The following CFAP58 variants were observed in gnomAD, a reference collection of about 807,000 sequenced individuals.
The protein encoded by CFAP58 is cilia- and flagella-associated protein 58.
In CFAP58, 88 loss-of-function variants were observed where a neutral mutation model predicts 119.5. That is an observed-to-expected ratio of 0.74 (90% CI 0.62 to 0.88). The LOEUF (loss-of-function observed/expected upper bound fraction) is 0.88. CFAP58 is among the 40% of genes least tolerant of loss of function. The pLI, the probability that CFAP58 is intolerant of heterozygous loss-of-function variation, is 0.00. For missense variants in CFAP58, 990 were observed against 1,021.2 expected (o/e 0.97, Z 0.42); for synonymous variants, 365 against 366.3 (o/e 1.00, Z 0.04).
At position 104,366,290 on chromosome 10, in the gene CFAP58, G is replaced by A. The variant is rs575361035; in HGVS notation, c.792+282G>A. ...ATAGACAAGTGTATATGTCACAAGT[G>A]GACAGCTTGATGAATTTTCACCACT... On this transcript the variant is annotated intron_variant, in intron 5 of 17. Transcript: ENST00000369704. Among the ~76,000 whole-genome samples the A allele has an allele frequency of 6.4e-4, 97 of 152,074 alleles. 1 individual carries two copies. Among genetic ancestry groups the A allele is most frequent in the African/African-American group, 2.3e-3 (95 of 41,472 alleles).
At chr10:104,421,545 G>A (rs1459764267) in intron 15 of CFAP58, among the ~76,000 whole-genome samples, 2 of 152,114 alleles carry the variant, frequency 1.3e-5, no homozygotes, top group Non-Finnish European at 2.9e-5. Flanking sequence ...TGCTCTTTCT[G>A]GTCATCTAAG....
upstream of CFAP58, among the ~76,000 whole-genome samples, chr10:104,352,171 G>A (rs1335129244): frequency 2.0e-5 from 3 of 152,172 alleles, no homozygotes; most frequent in Non-Finnish European, 4.4e-5. Flanking sequence ...ACTTAGAATA[G>A]TATCTGGTAT....
intron 7 of CFAP58, among the ~76,000 whole-genome samples, chr10:104,373,850 T>C (rs139744158): frequency 2.7e-3 from 407 of 152,244 alleles, no homozygotes; most frequent in Admixed American, 4.2e-3. Flanking sequence ...TCAAATTGTA[T>C]AGTGATGATG....
Position 104,447,965 on chromosome 10 carries a change from A to C in CFAP58, c.2376+148A>C, listed in dbSNP as rs1263726320. 3 of 982,064 alleles carry C rather than the reference A, an allele frequency of 3.1e-6. No homozygotes were observed. The African/African-American group carries it at 5.0e-5, about 16-fold the overall frequency. 60.8% of individuals were successfully genotyped at this position (982,064 alleles called of 1,614,324 possible). On this transcript the variant is annotated intron_variant, in intron 16 of 17. Coordinates refer to ENST00000369704, the MANE Select transcript of CFAP58 (RefSeq NM_001008723.2). ...AGCTCCCTTAGAGCTCTAGTCTAGG[A>C]TGAGCCAGCAGACCTCAGAGCTATC...
rs1048911490 is a variant in CFAP58 at position 104,358,418 on chromosome 10, A to T, written c.87A>T (p.Glu29Asp). 1 of 1,613,970 alleles carries T rather than the reference A, an allele frequency of 6.2e-7. No homozygotes were observed. Among genetic ancestry groups the T allele is most frequent in the Non-Finnish European group, 8.5e-7 (1 of 1,180,018 alleles). The change falls in exon 2 of 18, where the codon GAA (glutamate) becomes GAT (aspartate). Residue 29 changes from glutamate (E) to aspartate (D), a missense_variant. Transcript: ENST00000369704. ...GAGATTTTCAGGGAGTTCTCCATGA[A>T]CTTTCTGGAGACAAAAGTTTGGAAA... ...MERDFQGVLH[E>D]LSGDKSLEKF...
At chr10:104,414,063 C>A (rs1259583287) in intron 15 of CFAP58, among the ~76,000 whole-genome samples, 1 of 152,078 alleles carries the variant, frequency 6.6e-6, no homozygotes, top group African/African-American at 2.4e-5. Context: ...TAGTCAGAGG[C>A]CAAAGGGAGT....
At chr10:104,392,094 C>A in intron 9 of CFAP58, 139 bp from the exon 10 acceptor site, 2 of 683,552 alleles carry the variant, frequency 2.9e-6, no homozygotes, top group Admixed American at 2.8e-5. Context: ...TGTTGTACTG[C>A]AGTGATTATA....
At chr10:104,392,906 G>C (rs1268287417) in intron 10 of CFAP58, among the ~76,000 whole-genome samples, 1 of 152,116 alleles carries the variant, frequency 6.6e-6, no homozygotes, top group Non-Finnish European at 1.5e-5. Context: ...CTCCCAAAGT[G>C]CTGGGATTAC....
intron 6 of CFAP58, among the ~76,000 whole-genome samples, chr10:104,369,244 A>G (rs1589911264): frequency 6.6e-6 from 1 of 152,208 alleles, no homozygotes; most frequent in African/African-American, 2.4e-5. Context: ...AGAATAATAC[A>G]TAGATTTGGG....
intron 11 of CFAP58, 31 bp from the exon 12 acceptor site, chr10:104,399,329 A>G: frequency 6.2e-7 from 1 of 1,610,828 alleles, no homozygotes; most frequent in Non-Finnish European, 8.5e-7. Context: ...TAACGAATTG[A>G]AATTTGCCTG....
In CFAP58 at chr10:104,450,191, G is replaced by A. The variant is rs773647015; in HGVS notation, c.2497G>A (p.Glu833Lys). 1.2e-6 allele frequency: 2 copies of A among 1,612,518 alleles called. No homozygotes were observed. Among genetic ancestry groups the A allele is most frequent in the Non-Finnish European group, 1.7e-6 (2 of 1,179,662 alleles). ...GAAATACCTCGCTCAGAAACGTAAA[G>A]AACAACTTCAAAAGTAAGAATTAGT... is the stretch of plus-strand genomic sequence containing the variant. ...KKKYLAQKRK[E>K]QLQKNKDTAP... The change falls in exon 17 of 18, where the codon GAA (glutamate) becomes AAA (lysine). Residue 833 changes from glutamate (E) to lysine (K), a missense_variant. Physicochemically the swap from Glu to Lys is moderately conservative, Grantham distance 56 (BLOSUM62 1). Coordinates refer to ENST00000369704, the MANE Select transcript of CFAP58 (RefSeq NM_001008723.2).
chr10:104,406,643 T>C, intron 14 of CFAP58, 46 bp from the exon 15 acceptor site: 5 of 1,502,598 alleles, frequency 3.3e-6, no homozygotes, highest in South Asian at 1.1e-5. Context: ...CTCAGTGCTT[T>C]GAAGCTGATG....
rs985803394 is a variant in CFAP58, at chr10:104,360,144, C to A, written c.291+1522C>A. On this transcript the variant is annotated intron_variant, in intron 2 of 17. Coordinates refer to ENST00000369704, the MANE Select transcript of CFAP58 (RefSeq NM_001008723.2). ...TCAATAAACAAGTGGAATATTTTAA[C>A]CTAAAGCTTATAGGTTCTTATCTGT... Among the ~76,000 whole-genome samples, 7 of 152,144 alleles carry A rather than the reference C, an allele frequency of 4.6e-5. No individual in the cohort carries two copies. The South Asian group carries it at 6.2e-4, about 13-fold the overall frequency.
At chr10:104,358,158 T>C (rs2014619376) in intron 1 of CFAP58, among the ~76,000 whole-genome samples, 183 bp from the exon 2 acceptor site, 2 of 142,014 alleles carry the variant, frequency 1.4e-5, no homozygotes, top group African/African-American at 5.8e-5. Flanking sequence ...CTTATATATG[T>C]ACATAAGCAT....
intron 15 of CFAP58, among the ~76,000 whole-genome samples, chr10:104,412,615 GA>G (rs1211526543): frequency 6.6e-6 from 1 of 152,118 alleles, no homozygotes; most frequent in African/African-American, 2.4e-5. Flanking sequence ...TTGCAATTAG[GA>G]AGACTTTGGG....
intron 15 of CFAP58, among the ~76,000 whole-genome samples, chr10:104,424,839 TC>T (rs2012717331): frequency 1.3e-5 from 2 of 152,190 alleles, no homozygotes; most frequent in South Asian, 4.1e-4. Flanking sequence ...AGAACTGGCT[TC>T]CTCAAGGACA....
rs752056527 is a variant in CFAP58 at position 104,358,542 on chromosome 10, A to G, written c.211A>G (p.Ile71Val). The G allele has an allele frequency of 6.2e-7, 1 of 1,614,086 alleles. No homozygotes were observed. The highest frequency in any genetic ancestry group is 1.7e-5 in the Admixed American group (1 of 60,016). ...MAKCRELNAEIVVNSAKVATA... is the reference protein window; with the variant it reads ...MAKCRELNAEVVVNSAKVATA... ...CAAATGCAGAGAGCTAAATGCAGAG[A>G]TTGTAGTGAATTCTGCGAAGGTCGC... The change falls in exon 2 of 18, where the codon ATT becomes GTT. Residue 71 changes from isoleucine to valine, a missense_variant. Transcript: ENST00000369704.
intron 15 of CFAP58, among the ~76,000 whole-genome samples, chr10:104,409,456 A>T (rs2012423520): frequency 6.6e-6 from 1 of 152,162 alleles, no homozygotes; most frequent in South Asian, 2.1e-4. Context: ...AAAAACATAC[A>T]TACTCTCTAA....
At chr10:104,340,531 A>G in the CFAP58 span, among the ~76,000 whole-genome samples, 2 of 152,166 alleles carry the variant, frequency 1.3e-5, no homozygotes, top group Non-Finnish European at 2.9e-5. Context: ...TGTCGTTTCT[A>G]CAGAACACTG....
Sources: gnomAD v4.1 joint callset for allele counts (sites outside exome capture counted in the v4.1 genomes callset) on GRCh38, gnomAD v4.1.1 for gene constraint, MANE v1.5 for transcripts, NCBI Gene and HGNC (gene_info 2026-07-23, HGNC 2026-07-21) for gene names.